FYN: variants seen among roughly 807,000 people sequenced by gnomAD.
FYN encodes tyrosine-protein kinase Fyn.
A neutral mutation model predicts 70.2 loss-of-function variants in FYN; 10 were observed. The observed-to-expected ratio is 0.14, with a 90% CI of 0.09 to 0.24. The LOEUF is 0.24. FYN is among the 10% of genes least tolerant of loss of function. FYN has a pLI of 1.00. For missense variants in FYN, 319 were observed against 673.1 expected, an observed-to-expected ratio of 0.47 and a Z score of 5.82; for synonymous variants, 236 against 248.6, an observed-to-expected ratio of 0.95 and a Z score of 0.48.
At chr6:111,787,883 T>C (rs1000619305) in intron 2 of FYN, among the ~76,000 whole-genome samples, 2 of 152,170 alleles carry the variant, frequency 1.3e-5, no homozygotes, top group East Asian at 1.9e-4. Context: ...GACCAATGAC[T>C]TCCACAAACT....
chr6:111,769,957 G>A (rs530807839), intron 3 of FYN, among the ~76,000 whole-genome samples: 30 of 152,232 alleles, frequency 2.0e-4, no homozygotes, highest in African/African-American at 7.2e-4. Flanking sequence ...GCTGGAGAGG[G>A]GGAGAATGGC....
chr6:111,781,830 T>C (rs1421947503), intron 2 of FYN, among the ~76,000 whole-genome samples: 1 of 152,228 alleles, frequency 6.6e-6, no homozygotes, highest in Non-Finnish European at 1.5e-5. Context: ...GACAAAATTG[T>C]TATGAACATC....
At chr6:111,690,592 C>T (rs1054772503) in intron 12 of FYN, among the ~76,000 whole-genome samples, 1 of 152,188 alleles carries the variant, frequency 6.6e-6, no homozygotes, top group Non-Finnish European at 1.5e-5. Flanking sequence ...TCCATTCACT[C>T]ATTTGTTTAT....
intron 1 of FYN, among the ~76,000 whole-genome samples, chr6:111,867,868 A>G (rs1448558438): frequency 3.9e-5 from 6 of 152,180 alleles, no homozygotes; most frequent in Non-Finnish European, 2.9e-5. Flanking sequence ...CAACTCTTAA[A>G]TGGCACTCAG....
At chr6:111,764,228 A>AAGAAAAG (rs1554286119) in intron 3 of FYN, among the ~76,000 whole-genome samples, 6 of 134,900 alleles carry the variant, frequency 4.4e-5, no homozygotes, top group African/African-American at 1.9e-4. Context: ...AAAAAAAAAA[A>AAGAAAAG]AAAAGAAAAG....
intron 9 of FYN, among the ~76,000 whole-genome samples, chr6:111,699,261 T>C (rs1799720845): frequency 6.6e-6 from 1 of 152,178 alleles, no homozygotes; most frequent in Non-Finnish European, 1.5e-5. Context: ...CCTTCCCATT[T>C]CTTAGGAAGA....
chr6:111,752,128 A>G (rs903298848), intron 3 of FYN, among the ~76,000 whole-genome samples: 1 of 152,242 alleles, frequency 6.6e-6, no homozygotes, highest in Non-Finnish European at 1.5e-5. Flanking sequence ...GAGTGGTGCT[A>G]GACAAATATG....
intron 2 of FYN, among the ~76,000 whole-genome samples, chr6:111,793,218 T>A (rs1020858251): frequency 3.3e-5 from 5 of 152,228 alleles, no homozygotes; most frequent in African/African-American, 1.2e-4. Flanking sequence ...CACTTTAAGA[T>A]GAATGTCAGG....
intron 2 of FYN, among the ~76,000 whole-genome samples, chr6:111,789,046 G>A (rs1351058516): frequency 6.6e-6 from 1 of 152,040 alleles, no homozygotes; most frequent in Non-Finnish European, 1.5e-5. Context: ...AGAGAGAGAA[G>A]AGGAGGAGGA....
Position 111,660,619 on chromosome 6 carries a change from TAGAA to T in FYN, c.*1116_*1119del, listed in dbSNP as rs1402170626. The T allele has an allele frequency of 2.0e-5, 3 of 152,230 alleles. No individual in the cohort carries two copies. The highest frequency in any genetic ancestry group is 7.2e-5 in the African/African-American group (3 of 41,452). 9.4% of individuals were successfully genotyped at this position (152,230 alleles called of 1,614,324 possible). The stretch of plus-strand genomic sequence containing the variant: ...TTCCACTGGAGAACTCCTGGACATA[TAGAA>T]AGTCATTCGTTAGCAGTACAGGACA... On this transcript the variant is annotated 3_prime_UTR_variant, in exon 14 of 14. Transcript: ENST00000354650.
Position 111,849,601 on chromosome 6 carries a change from G to A in FYN, c.-122-2972C>T, listed in dbSNP as rs1203516661. Among the ~76,000 whole-genome samples the A allele has an allele frequency of 2.6e-5, 4 of 152,222 alleles. No individual in the cohort carries two copies. In the East Asian group the frequency reaches 5.8e-4, roughly 22 times the overall value. On this transcript the variant is annotated intron_variant, in intron 1 of 13. Transcript: ENST00000354650. ...GGAGAAAGGTGGGAAGTAAGGCAGA[G>A]GCCAGACTGTGAGAGACGGTGTACA...
At chr6:111,687,275 A>G (rs1039824751) in intron 12 of FYN, among the ~76,000 whole-genome samples, 1 of 152,212 alleles carries the variant, frequency 6.6e-6, no homozygotes, top group Non-Finnish European at 1.5e-5. Flanking sequence ...ACAATAATCT[A>G]TTCAATTTAA....
intron 2 of FYN, among the ~76,000 whole-genome samples, chr6:111,796,871 C>A (rs1378985366): frequency 6.6e-6 from 1 of 152,186 alleles, no homozygotes; most frequent in Non-Finnish European, 1.5e-5. Flanking sequence ...GATTACTAAA[C>A]AGAAATTTTT....
intron 2 of FYN, among the ~76,000 whole-genome samples, chr6:111,797,704 A>ATG (rs1562525326): frequency 4.6e-5 from 5 of 108,844 alleles, no homozygotes; most frequent in African/African-American, 2.0e-4. Flanking sequence ...ATATATATAT[A>ATG]TATATATACA....
At chr6:111,858,278 C>G (rs543041425) in intron 1 of FYN, 1 of 152,180 alleles carries the variant, frequency 6.6e-6, no homozygotes, top group African/African-American at 2.4e-5. Context: ...TACAGGGGGT[C>G]GCTCACCTAC....
At chr6:111,723,201 T>C (rs1320775795) in intron 3 of FYN, among the ~76,000 whole-genome samples, 1 of 152,172 alleles carries the variant, frequency 6.6e-6, no homozygotes, top group African/African-American at 2.4e-5. Flanking sequence ...AAAAGAAATA[T>C]ACTATAATAA....
intron 2 of FYN, among the ~76,000 whole-genome samples, chr6:111,831,711 A>G (rs11970094): frequency 0.048 from 7,248 of 152,320 alleles, 293 homozygotes; most frequent in East Asian, 0.14. Context: ...CGCAATTAAC[A>G]AAACTGTCTG....
chr6:111,863,720 A>T (rs1197223924), intron 1 of FYN, among the ~76,000 whole-genome samples: 1 of 152,230 alleles, frequency 6.6e-6, no homozygotes, highest in African/African-American at 2.4e-5. Flanking sequence ...GTTTGACTTC[A>T]TCAGATAAAA....
chr6:111,754,077 C>T (rs1163943806), intron 3 of FYN, among the ~76,000 whole-genome samples: 3 of 152,102 alleles, frequency 2.0e-5, no homozygotes, highest in Admixed American at 6.6e-5. Flanking sequence ...TTTTTAAATG[C>T]AATGATAATA....
Sources: gnomAD v4.1 joint callset for allele counts (sites outside exome capture counted in the v4.1 genomes callset) on GRCh38, gnomAD v4.1.1 for gene constraint, MANE v1.5 for transcripts, NCBI Gene and HGNC (gene_info 2026-07-23, HGNC 2026-07-21) for gene names.